The following RGP1 variants were observed in gnomAD, a reference collection of about 807,000 sequenced individuals.
RGP1 encodes the protein RAB6A-GEF complex partner protein 2.
RGP1 carries 28 observed loss-of-function variants against 44.5 expected under a neutral mutation model. The ratio of observed to expected loss-of-function variants is 0.63; its 90% CI spans 0.47 to 0.86. The LOEUF (loss-of-function observed/expected upper bound fraction) is 0.86. RGP1 is among the 40% of genes least tolerant of loss of function. The pLI is 0.00. For missense variants in RGP1, 417 were observed against 490.7 expected (o/e 0.85, Z 1.42); for synonymous variants, 212 against 196.7 (o/e 1.08, Z -0.65).
the RGP1 span, among the ~76,000 whole-genome samples, chr9:35,780,850 G>A: frequency 6.6e-5 from 10 of 152,030 alleles, no homozygotes; most frequent in African/African-American, 2.2e-4. Context: ...CCAAGATGGC[G>A]CCACTGCACT....
At chr9:35,767,637 T>C in the RGP1 span, among the ~76,000 whole-genome samples, 2 of 152,158 alleles carry the variant, frequency 1.3e-5, no homozygotes, top group Non-Finnish European at 2.9e-5. Flanking sequence ...TATTGATGGA[T>C]TTGAGGAAAA....
rs1302293612 is a variant in RGP1, at chr9:35,752,082, A to G, written c.889A>G (p.Thr297Ala). Residue 297 changes from threonine to alanine, a missense_variant, in exon 8 of 9, where the codon ACT (threonine) becomes GCT (alanine). By Grantham distance (58) the Thr-to-Ala change is moderately conservative (BLOSUM62 0). Coordinates refer to ENST00000378078, the MANE Select transcript of RGP1 (RefSeq NM_001080496.3). ...GCACCAGGAATCCTGCCTACATACA[A>G]CTAGAACCAGCTTCTCCCTCCCAAT... ...ARHQESCLHT[T>A]RTSFSLPIPL... The G allele has an allele frequency of 5.6e-6, 9 of 1,607,572 alleles. No individual in the cohort carries two copies. Among genetic ancestry groups the G allele is most frequent in the South Asian group, 5.6e-5 (5 of 90,068 alleles).
chr9:35,752,697 A>C lies in RGP1; in HGVS notation c.999A>C (p.Glu333Asp), dbSNP rs200874131. ...ATTTTGAATTTGTAACGTCCCGAGA[A>C]CCAGGATTGGTACTCCTACCCCCTG... ...RLHFEFVTSR[E>D]PGLVLLPPVE... Residue 333 changes from glutamate (E) to aspartate (D), a missense_variant, in exon 9 of 9, where the codon GAA becomes GAC. By Grantham distance (45) the Glu-to-Asp change is conservative. Coordinates refer to ENST00000378078, the MANE Select transcript of RGP1 (RefSeq NM_001080496.3). 6.2e-7 allele frequency: 1 copy of C among 1,613,592 alleles called. No homozygotes were observed. The highest frequency in any genetic ancestry group is 8.5e-7 in the Non-Finnish European group (1 of 1,179,728).
At chr9:35,780,193 A>G in the RGP1 span, 2 of 152,340 alleles carry the variant, frequency 1.3e-5, no homozygotes, top group African/African-American at 4.8e-5. Context: ...AAACCCTTCT[A>G]GAGAACCTTC....
the RGP1 span, among the ~76,000 whole-genome samples, chr9:35,766,866 G>A: frequency 3.3e-5 from 5 of 152,132 alleles, no homozygotes; most frequent in Admixed American, 6.5e-5. Context: ...TCTGAGTCAG[G>A]CACTGGAGAT....
rs781283087 is a variant in RGP1, at chr9:35,749,747, G to C, written c.-9G>C. 3.1e-6 allele frequency: 5 copies of C among 1,598,156 alleles called. No individual in the cohort carries two copies. The highest frequency in any genetic ancestry group is 4.3e-6 in the Non-Finnish European group (5 of 1,166,498). ...CTTGTTTCCTTCTAGATCTGATTCC[G>C]GAGCTGCCATGATTGAAGTGGTAGC... On this transcript the variant is annotated 5_prime_UTR_variant, in exon 2 of 9. Coordinates refer to ENST00000378078, the MANE Select transcript of RGP1 (RefSeq NM_001080496.3). The surrounding 1 kb of genome is among the most constrained non-coding windows in gnomAD (Gnocchi z 4.4).
the RGP1 span, among the ~76,000 whole-genome samples, chr9:35,782,738 G>A: frequency 6.6e-6 from 1 of 151,766 alleles, no homozygotes; most frequent in East Asian, 1.9e-4. Flanking sequence ...GAGCCACCAC[G>A]CCAGGCCAGA....
rs1951433 is a variant in RGP1, at chr9:35,757,196, T to C, written c.*4322T>C. The C allele has an allele frequency of 0.68, 103,604 of 151,726 alleles. 35,504 individuals carry two copies. The highest frequency in any genetic ancestry group is 0.83 in the East Asian group (4,224 of 5,100). The allele number at this position is 151,726 out of a possible 1,614,324, so 9.4% of individuals were successfully genotyped here. Reference sequence around the variant, plus strand: ...ACCCCAACCCCGGCCGCTGGCCCTCTGGTGAGTCACAGCCGACCCCCGCCG... The same window carrying C: ...ACCCCAACCCCGGCCGCTGGCCCTCCGGTGAGTCACAGCCGACCCCCGCCG... On this transcript the variant is annotated 3_prime_UTR_variant, in exon 9 of 9. Transcript: ENST00000378078.
the RGP1 span, among the ~76,000 whole-genome samples, chr9:35,772,814 T>C: frequency 6.6e-6 from 1 of 151,268 alleles, no homozygotes; most frequent in Non-Finnish European, 1.5e-5. Context: ...AAAAAAGTTT[T>C]ATACTAGACT....
the RGP1 span, among the ~76,000 whole-genome samples, chr9:35,767,666 C>T: frequency 2.6e-5 from 4 of 152,202 alleles, no homozygotes; most frequent in East Asian, 3.9e-4. Context: ...TCAGCAAATA[C>T]GTTATTCATG....
At chr9:35,752,170 A>G (rs1248880532) in intron 8 of RGP1, 25 bp downstream of exon 8, 2 of 1,525,760 alleles carry the variant, frequency 1.3e-6, no homozygotes, top group Non-Finnish European at 8.8e-7. Flanking sequence ...GTTACTGGAG[A>G]AGGGAGAGGG....
chr9:35,774,840 G>A, the RGP1 span, among the ~76,000 whole-genome samples: 1 of 151,838 alleles, frequency 6.6e-6, no homozygotes, highest in Non-Finnish European at 1.5e-5. Context: ...CAGTGTTTTT[G>A]GTTTTTATAC....
At chr9:35,764,211 G>C in the RGP1 span, among the ~76,000 whole-genome samples, 1 of 152,090 alleles carries the variant, frequency 6.6e-6, no homozygotes, top group Non-Finnish European at 1.5e-5. Flanking sequence ...TATCCTTTTG[G>C]GAAAAAGTTA....
At chr9:35,772,237 A>T in the RGP1 span, 1 of 152,234 alleles carries the variant, frequency 6.6e-6, no homozygotes, top group East Asian at 1.9e-4. Context: ...GGAAAGAAGA[A>T]TGCAGAAATC....
the RGP1 span, among the ~76,000 whole-genome samples, chr9:35,783,809 C>T: frequency 6.6e-6 from 1 of 152,196 alleles, no homozygotes; most frequent in African/African-American, 2.4e-5. Context: ...TAAATACCCA[C>T]TAGTGGGATT....
chr9:35,769,246 T>G, the RGP1 span, among the ~76,000 whole-genome samples: 4 of 152,260 alleles, frequency 2.6e-5, no homozygotes, highest in Non-Finnish European at 4.4e-5. Flanking sequence ...ACACATCTAC[T>G]GTACCTGGCC....
At chr9:35,781,832 A>T in the RGP1 span, among the ~76,000 whole-genome samples, 2 of 152,130 alleles carry the variant, frequency 1.3e-5, no homozygotes, top group African/African-American at 4.8e-5. Flanking sequence ...AGATCTCTTA[A>T]ATCAAAATTT....
chr9:35,772,586 G>A, the RGP1 span, among the ~76,000 whole-genome samples: 1 of 152,066 alleles, frequency 6.6e-6, no homozygotes, highest in African/African-American at 2.4e-5. Flanking sequence ...GAGGTCAGGG[G>A]ATCGAGACCA....
the RGP1 span, among the ~76,000 whole-genome samples, chr9:35,775,226 A>T: frequency 6.6e-6 from 1 of 152,168 alleles, no homozygotes; most frequent in Non-Finnish European, 1.5e-5. Flanking sequence ...CTAAGCATTT[A>T]AACCAGAGGG....
Sources: allele counts gnomAD v4.1 joint callset (sites outside exome capture counted in the v4.1 genomes callset), GRCh38; gene constraint gnomAD v4.1.1; non-coding constraint Gnocchi (gnomAD v3.1); transcripts MANE v1.5; gene names NCBI Gene and HGNC (gene_info 2026-07-23, HGNC 2026-07-21).